The following RBFOX1 variants were observed in gnomAD, a reference collection of about 807,000 sequenced individuals.
RBFOX1 encodes RNA binding protein fox-1 homolog 1.
In RBFOX1, 8 loss-of-function variants were observed where a neutral mutation model predicts 57.7. The observed-to-expected ratio is 0.14, with a 90% CI of 0.08 to 0.25. The LOEUF is 0.25. Ranked by LOEUF, RBFOX1 falls within the 10% of genes least tolerant of loss-of-function variation. The probability of loss-of-function intolerance (pLI) is 1.00; values close to 1 mark genes in which losing one functional copy is unlikely to be tolerated. For missense variants in RBFOX1, 611 were observed against 548.5 expected (o/e 1.11, Z -1.14); for synonymous variants, 326 against 222.4 (o/e 1.47, Z -4.15).
At chr16:6,126,079 ACAGT>A (rs1215355259) in intron 1 of RBFOX1, among the ~76,000 whole-genome samples, 1 of 152,220 alleles carries the variant, frequency 6.6e-6, no homozygotes, top group Non-Finnish European at 1.5e-5. Context: ...GATTCATTGA[ACAGT>A]CAGATTTCCA....
chr16:7,109,581 A>G (rs1328963852), intron 4 of RBFOX1, among the ~76,000 whole-genome samples: 1 of 152,134 alleles, frequency 6.6e-6, no homozygotes, highest in Non-Finnish European at 1.5e-5. Flanking sequence ...TGATGGTAGA[A>G]TTTTGCACAA....
At chr16:7,099,762 A>T (rs191199573) in intron 4 of RBFOX1, among the ~76,000 whole-genome samples, 1 of 152,184 alleles carries the variant, frequency 6.6e-6, no homozygotes, top group African/African-American at 2.4e-5. Flanking sequence ...GTAGATTTAC[A>T]CATATTCTGA....
At chr16:7,215,665 T>G (rs917254622) in intron 4 of RBFOX1, among the ~76,000 whole-genome samples, 9 of 151,892 alleles carry the variant, frequency 5.9e-5, no homozygotes, top group African/African-American at 2.2e-4. Context: ...CTTCCCCCAG[T>G]TCCCCAATGC....
intron 3 of RBFOX1, among the ~76,000 whole-genome samples, chr16:6,894,333 T>C (rs2066241531): frequency 6.6e-6 from 1 of 152,138 alleles, no homozygotes; most frequent in African/African-American, 2.4e-5. Flanking sequence ...GATAGCTCTG[T>C]GTTCTGTGTG....
chr16:6,610,119 C>T (rs539728628), intron 2 of RBFOX1, among the ~76,000 whole-genome samples: 33 of 152,236 alleles, frequency 2.2e-4, no homozygotes, highest in Admixed American at 3.9e-4. Context: ...AGATGACATT[C>T]AAAGTGTGTT....
intron 3 of RBFOX1, among the ~76,000 whole-genome samples, chr16:5,679,348 A>ATTT (rs1567386568): frequency 0.021 from 3,167 of 149,084 alleles, 106 homozygotes; most frequent in African/African-American, 0.077. Context: ...TTTTTTTTTA[A>ATTT]AAAACAATTT....
At chr16:5,725,157 G>A (rs1054429906) in intron 3 of RBFOX1, among the ~76,000 whole-genome samples, 24 of 152,198 alleles carry the variant, frequency 1.6e-4, no homozygotes, top group African/African-American at 4.8e-4. Context: ...TGTTGCAGAG[G>A]AGGCTAGGCT....
At chr16:5,393,943 G>A (rs187226167) in intron 1 of RBFOX1, among the ~76,000 whole-genome samples, 1 of 152,150 alleles carries the variant, frequency 6.6e-6, no homozygotes, top group East Asian at 1.9e-4. Context: ...GACTCTTCTC[G>A]GCACCTCATA....
At chr16:7,405,172 C>G (rs61526587) in intron 4 of RBFOX1, among the ~76,000 whole-genome samples, 5,241 of 152,296 alleles carry the variant, frequency 0.034, 282 homozygotes, top group African/African-American at 0.12. Flanking sequence ...TTTCCTCATT[C>G]TAGCAAGAAA....
At chr16:6,605,774 T>C (rs1267450745) in intron 2 of RBFOX1, among the ~76,000 whole-genome samples, 6 of 152,142 alleles carry the variant, frequency 3.9e-5, no homozygotes, top group Admixed American at 3.9e-4. Flanking sequence ...GGGCATTTCA[T>C]TATGAAACAA....
At chr16:5,532,221 C>G (rs535242723) in intron 2 of RBFOX1, among the ~76,000 whole-genome samples, 148 of 152,314 alleles carry the variant, frequency 9.7e-4, no homozygotes, top group African/African-American at 3.3e-3. Flanking sequence ...TTGAGCAGCA[C>G]CCAGGGCCTC....
At chr16:7,381,826 T>C (rs1458515766) in intron 4 of RBFOX1, among the ~76,000 whole-genome samples, 1 of 152,156 alleles carries the variant, frequency 6.6e-6, no homozygotes, top group African/African-American at 2.4e-5. Context: ...TGGATCATTC[T>C]CTATGTGGGG....
chr16:5,988,555 C>T (rs1023865565), intron 4 of RBFOX1, among the ~76,000 whole-genome samples: 4 of 152,138 alleles, frequency 2.6e-5, no homozygotes, highest in Admixed American at 6.5e-5. Flanking sequence ...GCTGTTACCC[C>T]CTTCCTGCCA....
chr16:6,654,495 C>T, intron 2 of RBFOX1, 108 bp from the exon 3 acceptor site: 1 of 839,074 alleles, frequency 1.2e-6, no homozygotes, highest in Non-Finnish European at 1.8e-6. Flanking sequence ...GGAGCATGAG[C>T]TCTTTATTAT....
At chr16:7,444,452 G>T (rs979371460) in intron 4 of RBFOX1, among the ~76,000 whole-genome samples, 2 of 152,160 alleles carry the variant, frequency 1.3e-5, no homozygotes, top group Non-Finnish European at 2.9e-5. Flanking sequence ...AACAGCCTAG[G>T]GGGAGAGCAG....
At chr16:6,625,601 A>G (rs1236145428) in intron 2 of RBFOX1, among the ~76,000 whole-genome samples, 1 of 152,196 alleles carries the variant, frequency 6.6e-6, no homozygotes, top group East Asian at 1.9e-4. Flanking sequence ...TAACTATGGT[A>G]GAGGCCAACC....
chr16:6,193,551 T>C (rs2097161068), intron 1 of RBFOX1, among the ~76,000 whole-genome samples: 1 of 150,398 alleles, frequency 6.6e-6, no homozygotes, highest in African/African-American at 2.4e-5. Flanking sequence ...GTTTCATCAA[T>C]GGCAAAGCAA....
intron 1 of RBFOX1, among the ~76,000 whole-genome samples, chr16:6,020,760 A>G (rs1195109889): frequency 6.6e-6 from 1 of 152,100 alleles, no homozygotes; most frequent in East Asian, 1.9e-4. Flanking sequence ...GGGCGGGGCT[A>G]GTGGGGCGCC....
chr16:6,619,475 C>G (rs904812563), intron 2 of RBFOX1, among the ~76,000 whole-genome samples: 5 of 152,124 alleles, frequency 3.3e-5, no homozygotes, highest in African/African-American at 1.2e-4. Context: ...TTCTCCCATT[C>G]TTTTTTCTTC....
Sources: allele counts gnomAD v4.1 joint callset (sites outside exome capture counted in the v4.1 genomes callset), GRCh38; gene constraint gnomAD v4.1.1; transcripts MANE v1.5; gene names NCBI Gene and HGNC (gene_info 2026-07-23, HGNC 2026-07-21).